RIMS2: variants seen among roughly 807,000 people sequenced by gnomAD.
The protein encoded by RIMS2 is regulating synaptic membrane exocytosis protein 2.
In RIMS2, 59 loss-of-function variants were observed where a neutral mutation model predicts 174.4. The ratio of observed to expected loss-of-function variants is 0.34; its 90% confidence interval spans 0.27 to 0.42. The LOEUF is 0.42. Among genes scored for constraint, RIMS2 ranks in the 10% least tolerant of loss-of-function variants. The pLI, the probability that RIMS2 is intolerant of heterozygous loss-of-function variation, is 1.00. For synonymous variants in RIMS2, 606 were observed against 572.5 expected (o/e 1.06, Z -0.84); for missense variants, 1,620 against 1,666.3 (o/e 0.97, Z 0.48).
chr8:103,783,329 T>G (rs1242209327), intron 3 of RIMS2, among the ~76,000 whole-genome samples: 1 of 151,238 alleles, frequency 6.6e-6, no homozygotes, highest in African/African-American at 2.4e-5. Context: ...TGCAGGTTAG[T>G]TACATATGTA....
At position 103,993,255 on chromosome 8, in the gene RIMS2, A is replaced by T. The variant is rs888322369; in HGVS notation, c.3044+3834A>T. ...ATTTTTATGTCTATCCTGGAGGCCA[A>T]AATACATTAGATGCATTTATTTCCA... On this transcript the variant is annotated intron_variant, in intron 17 of 23. Transcript: ENST00000504942. 3.3e-5 allele frequency among the ~76,000 whole-genome samples: 5 copies of T among 152,228 alleles called. No homozygotes were observed. In the East Asian group the frequency reaches 9.6e-4, roughly 29 times the overall value.
chr8:104,192,238 G>C lies in RIMS2; in HGVS notation c.3335-52678G>C, dbSNP rs74330282. On this transcript the variant is annotated intron_variant, in intron 19 of 23. Coordinates refer to ENST00000504942, the Ensembl canonical transcript of RIMS2. ...TTTGTTCAGTATAATACAGTATTTA[G>C]TGCTGAGTGATATACTTTAAAAATG... Among the ~76,000 whole-genome samples the C allele has an allele frequency of 5.3e-3, 813 of 152,152 alleles. 4 individuals carry two copies. The highest frequency in any genetic ancestry group is 0.018 in the African/African-American group (750 of 41,518).
chr8:104,223,012 A>G (rs1299789236), intron 19 of RIMS2, among the ~76,000 whole-genome samples: 2 of 152,176 alleles, frequency 1.3e-5, no homozygotes, highest in African/African-American at 2.4e-5. Flanking sequence ...GAAAATTTCA[A>G]TATTTTTTGC....
At chr8:103,543,446 G>T (rs144297495) in intron 1 of RIMS2, among the ~76,000 whole-genome samples, 260 of 152,180 alleles carry the variant, frequency 1.7e-3, no homozygotes, top group African/African-American at 5.8e-3. Flanking sequence ...CAAAACTATA[G>T]ATTTAATGCA....
intron 1 of RIMS2, among the ~76,000 whole-genome samples, chr8:103,571,723 A>G (rs949698774): frequency 6.6e-6 from 1 of 152,212 alleles, no homozygotes; most frequent in Admixed American, 6.5e-5. Flanking sequence ...AAAGAAATGT[A>G]TTCGTTCATA....
intron 1 of RIMS2, among the ~76,000 whole-genome samples, chr8:103,539,109 G>A (rs1405720558): frequency 6.6e-6 from 1 of 152,216 alleles, no homozygotes; most frequent in Non-Finnish European, 1.5e-5. Flanking sequence ...TGAGGCAGGA[G>A]GATCACTTGA....
At position 104,014,633 on chromosome 8, in the gene RIMS2, T is replaced by C. The variant is rs370509697; in HGVS notation, c.3334+18T>C. 2 of 1,475,988 alleles carry C rather than the reference T, an allele frequency of 1.4e-6. No homozygotes were observed. The highest frequency in any genetic ancestry group is 9.5e-7 in the Non-Finnish European group (1 of 1,055,252). 91.4% of individuals were successfully genotyped at this position (1,475,988 alleles called of 1,614,324 possible). A position where few individuals can be genotyped will look rare whatever the true frequency, so the allele number is the denominator to read the frequency against. Reference sequence around the variant, plus strand: ...GGATAGAAGTAAGTTTTATTTCTAATTGTCTCGTTTAGGAAATACACATGG... The same window carrying C: ...GGATAGAAGTAAGTTTTATTTCTAACTGTCTCGTTTAGGAAATACACATGG... On this transcript the variant is annotated intron_variant, in intron 19 of 23. Coordinates refer to ENST00000504942, the Ensembl canonical transcript of RIMS2.
intron 16 of RIMS2, among the ~76,000 whole-genome samples, chr8:103,984,728 A>G (rs1315497942): frequency 2.6e-5 from 4 of 152,228 alleles, no homozygotes; most frequent in African/African-American, 9.6e-5. Context: ...AAATCGGTAT[A>G]TCAAAGGCAT....
chr8:103,663,391 C>T (rs907131096), intron 1 of RIMS2, among the ~76,000 whole-genome samples: 1 of 152,086 alleles, frequency 6.6e-6, no homozygotes, highest in Non-Finnish European at 1.5e-5. Context: ...AAAACCCCAT[C>T]GTGTCAGCCC....
chr8:103,845,236 A>G (rs2098961603), intron 3 of RIMS2, among the ~76,000 whole-genome samples: 1 of 151,984 alleles, frequency 6.6e-6, no homozygotes, highest in Non-Finnish European at 1.5e-5. Context: ...ACTCTTTTTT[A>G]TATCACTTTG....
At chr8:103,656,686 C>T (rs1333895452) in intron 1 of RIMS2, among the ~76,000 whole-genome samples, 2 of 152,042 alleles carry the variant, frequency 1.3e-5, no homozygotes, top group South Asian at 2.1e-4. Context: ...TTCTTAAATC[C>T]ATCAGAAAAT....
intron 3 of RIMS2, chr8:103,819,683 T>C: frequency 7.2e-7 from 1 of 1,390,444 alleles, no homozygotes; most frequent in Non-Finnish European, 1.0e-6. Flanking sequence ...CAGAATAATC[T>C]TATATGCCAG....
At chr8:103,749,541 T>C (rs1196553989) in intron 2 of RIMS2, among the ~76,000 whole-genome samples, 1 of 152,164 alleles carries the variant, frequency 6.6e-6, no homozygotes, top group African/African-American at 2.4e-5. Flanking sequence ...GGTGTTTTGA[T>C]AGAGGCATGC....
At chr8:103,602,657 G>T (rs992489179) in intron 1 of RIMS2, among the ~76,000 whole-genome samples, 6 of 152,128 alleles carry the variant, frequency 3.9e-5, no homozygotes, top group Non-Finnish European at 8.8e-5. Flanking sequence ...TGGCTGGATT[G>T]TATTTCATGG....
intron 20 of RIMS2, among the ~76,000 whole-genome samples, chr8:104,247,675 T>C (rs1314247002): frequency 6.6e-6 from 1 of 152,132 alleles, no homozygotes; most frequent in African/African-American, 2.4e-5. Context: ...GGACCAGAGT[T>C]TGGATTTTTT....
At chr8:103,610,828 A>T (rs2095342972) in intron 1 of RIMS2, among the ~76,000 whole-genome samples, 1 of 152,198 alleles carries the variant, frequency 6.6e-6, no homozygotes, top group African/African-American at 2.4e-5. Flanking sequence ...TATCAGGATA[A>T]TGCTGGCCTC....
chr8:103,807,103 G>A (rs1351530138), intron 3 of RIMS2, among the ~76,000 whole-genome samples: 1 of 152,042 alleles, frequency 6.6e-6, no homozygotes, highest in Non-Finnish European at 1.5e-5. Context: ...CGGGAAGGGG[G>A]AGCTGTAAAT....
At chr8:103,710,331 C>T (rs1259200021) in intron 2 of RIMS2, among the ~76,000 whole-genome samples, 1 of 151,970 alleles carries the variant, frequency 6.6e-6, no homozygotes, top group African/African-American at 2.4e-5. Flanking sequence ...TCATGTGGAG[C>T]CATCCTTAAC....
intron 1 of RIMS2, among the ~76,000 whole-genome samples, chr8:103,636,916 C>T (rs2096099667): frequency 6.6e-6 from 1 of 151,608 alleles, no homozygotes. Context: ...AAGTTCTCAC[C>T]CAAGTTCTCA....
Sources: gnomAD v4.1 joint callset for allele counts (sites outside exome capture counted in the v4.1 genomes callset) on GRCh38, gnomAD v4.1.1 for gene constraint, MANE v1.5 for transcripts, NCBI Gene and HGNC (gene_info 2026-07-23, HGNC 2026-07-21) for gene names.